Variants in RPE observed in about 807,000 individuals in gnomAD.
RPE encodes the protein ribulose-phosphate 3-epimerase.
A neutral mutation model predicts 24.6 loss-of-function variants in RPE; 16 were observed. That is an observed-to-expected ratio of 0.65 (90% CI 0.44 to 0.99). RPE has a LOEUF of 0.99. RPE is among the 50% of genes least tolerant of loss of function. The pLI, the probability that RPE is intolerant of heterozygous loss-of-function variation, is 0.00. For missense variants in RPE, 240 were observed against 294.5 expected, an observed-to-expected ratio of 0.81 and a Z score of 1.35; for synonymous variants, 93 against 98.4, an observed-to-expected ratio of 0.94 and a Z score of 0.33.
At chr2:210,018,500 C>T (rs892708482) in intron 5 of RPE, 25 of 983,832 alleles carry the variant, frequency 2.5e-5, no homozygotes, top group Non-Finnish European at 3.0e-5. Flanking sequence ...GACTGCTTTT[C>T]TTCCACAGTG....
chr2:210,003,380 A>G (rs537127411), intron 1 of RPE: 16 of 1,063,372 alleles, frequency 1.5e-5, no homozygotes, highest in South Asian at 3.9e-5. Context: ...TAAGTTCTCT[A>G]TAATTGTTAA....
chr2:210,018,078 T>G, intron 5 of RPE: 1 of 1,408,352 alleles, frequency 7.1e-7, no homozygotes, highest in Non-Finnish European at 9.5e-7. Context: ...CATAAATTGT[T>G]AAAATTGTAA....
At chr2:210,016,243 C>A in intron 3 of RPE, 131 bp downstream of exon 3, 1 of 1,614,048 alleles carries the variant, frequency 6.2e-7, no homozygotes, top group South Asian at 1.1e-5. Flanking sequence ...GTGGCACAGT[C>A]AGGGCCCATT....
chr2:210,007,399 C>T (rs2093644721), intron 1 of RPE, among the ~76,000 whole-genome samples: 1 of 152,218 alleles, frequency 6.6e-6, no homozygotes, highest in South Asian at 2.1e-4. Flanking sequence ...CAATTGCAGT[C>T]ACCTACCCTC....
intron 5 of RPE, chr2:210,018,095 G>A (rs1575324846): frequency 6.9e-7 from 1 of 1,458,316 alleles, no homozygotes. Flanking sequence ...GTAAATCCTG[G>A]TTTTCTCAGG....
intron 3 of RPE, 43 bp from the exon 4 acceptor site, chr2:210,016,464 A>C (rs1050124899): frequency 6.2e-7 from 1 of 1,613,498 alleles, no homozygotes; most frequent in Non-Finnish European, 8.5e-7. Flanking sequence ...TATAATACAG[A>C]AGTAATTGTA....
intron 1 of RPE, among the ~76,000 whole-genome samples, chr2:210,006,281 T>C (rs2093629634): frequency 6.6e-6 from 1 of 152,206 alleles, no homozygotes; most frequent in East Asian, 1.9e-4. Flanking sequence ...GTCAGTAGGC[T>C]GAGGTAGAGA....
chr2:210,003,087 T>G (rs2093584128), intron 1 of RPE, among the ~76,000 whole-genome samples: 1 of 152,140 alleles, frequency 6.6e-6, no homozygotes, highest in African/African-American at 2.4e-5. Flanking sequence ...CACTTTCAGC[T>G]AGAGAAACTG....
intron 5 of RPE, chr2:210,018,114 AG>A (rs1412124426): frequency 1.3e-6 from 2 of 1,507,060 alleles, no homozygotes; most frequent in African/African-American, 2.8e-5. Context: ...GGAAGGCTGA[AG>A]AAAGTTCTTT....
In RPE at chr2:210,017,429, A is replaced by G. The variant is rs377324307; in HGVS notation, c.478-44A>G. On this transcript the variant is annotated intron_variant, in intron 4 of 5. Transcript: ENST00000359429. ...GTCCCCCACCCCCACCCCCACCAAC[A>G]TACCCACTTTAGGAGTTACTTATTT... The G allele has an allele frequency of 1.3e-4, 129 of 989,920 alleles. No homozygotes were observed. In the African/African-American group the frequency reaches 2.1e-3, roughly 16 times the overall value. The allele number at this position is 989,920 out of a possible 1,614,324, so 61.3% of individuals were successfully genotyped here.
At chr2:210,009,914 A>G (rs558253719) in intron 2 of RPE, among the ~76,000 whole-genome samples, 178 bp downstream of exon 2, 3 of 152,262 alleles carry the variant, frequency 2.0e-5, no homozygotes, top group Admixed American at 6.5e-5. Context: ...GGCCTTGGCT[A>G]ATCTGCATGG....
chr2:210,010,642 TGAA>T (rs1385477592), intron 2 of RPE, among the ~76,000 whole-genome samples: 2 of 152,180 alleles, frequency 1.3e-5, no homozygotes, highest in African/African-American at 4.8e-5. Flanking sequence ...ACCAGTTTTA[TGAA>T]GGACTCTGTG....
At chr2:210,019,027 C>G (rs1248546637) in intron 5 of RPE, among the ~76,000 whole-genome samples, 1 of 152,182 alleles carries the variant, frequency 6.6e-6, no homozygotes, top group Non-Finnish European at 1.5e-5. Flanking sequence ...ATCCTTGAAT[C>G]AGATCCTAGG....
In RPE at chr2:210,019,063, A is replaced by G. The variant is rs137861172; in HGVS notation, c.565-606A>G. Among the ~76,000 whole-genome samples the G allele has an allele frequency of 4.9e-3, 748 of 152,228 alleles. 4 individuals carry two copies. Among genetic ancestry groups the G allele is most frequent in the African/African-American group, 0.017 (708 of 41,528 alleles). ...AAGATCAGAGTTAAATTTGGACCCA[A>G]TTTTTTAGCTTTTCTTTTTCAATTT... On this transcript the variant is annotated intron_variant, in intron 5 of 5. Transcript: ENST00000359429.
intron 2 of RPE, among the ~76,000 whole-genome samples, chr2:210,010,566 AAT>A: frequency 6.6e-6 from 1 of 152,272 alleles, no homozygotes; most frequent in South Asian, 2.1e-4. Context: ...CCTAGCCATA[AAT>A]AGTTTTTTTA....
chr2:210,004,843 G>C (rs934882623), intron 1 of RPE, among the ~76,000 whole-genome samples: 7 of 151,982 alleles, frequency 4.6e-5, no homozygotes, highest in African/African-American at 1.7e-4. Context: ...AGCTCAGTAA[G>C]GCAAAGTATT....
intron 4 of RPE, among the ~76,000 whole-genome samples, 166 bp from the exon 5 acceptor site, chr2:210,017,307 A>G (rs1167037376): frequency 1.3e-5 from 2 of 152,236 alleles, no homozygotes; most frequent in Admixed American, 6.5e-5. Flanking sequence ...TTAAAAACCA[A>G]GTGTTCCCCA....
intron 1 of RPE, among the ~76,000 whole-genome samples, chr2:210,005,571 C>T (rs114593068): frequency 0.022 from 3,380 of 152,144 alleles, 72 homozygotes; most frequent in Middle Eastern, 0.031. Flanking sequence ...TTTCTAAATT[C>T]GCTACCAGGA....
intron 2 of RPE, among the ~76,000 whole-genome samples, chr2:210,011,405 CT>C (rs2093697486): frequency 6.6e-6 from 1 of 152,048 alleles, no homozygotes; most frequent in Non-Finnish European, 1.5e-5. Context: ...TTAATGCTTG[CT>C]TTTTTTCCCC....
Sources: gnomAD v4.1 joint callset for allele counts (sites outside exome capture counted in the v4.1 genomes callset) on GRCh38, gnomAD v4.1.1 for gene constraint, MANE v1.5 for transcripts, NCBI Gene and HGNC (gene_info 2026-07-23, HGNC 2026-07-21) for gene names.